The following ERP44 variants were observed in gnomAD, a reference collection of about 807,000 sequenced individuals.
The protein encoded by ERP44 is endoplasmic reticulum protein 44, also known as endoplasmic reticulum resident protein 44.
Under a neutral mutation model 53.4 loss-of-function variants are expected in ERP44, and 25 were observed. The ratio of observed to expected loss-of-function variants is 0.47; its 90% CI spans 0.34 to 0.65. ERP44 has a LOEUF of 0.65. ERP44 is among the 30% of genes least tolerant of loss of function. The probability of loss-of-function intolerance (pLI) is 0.01; values close to 1 mark genes in which losing one functional copy is unlikely to be tolerated. For synonymous variants in ERP44, 145 were observed against 161.2 expected, an observed-to-expected ratio of 0.90 and a Z score of 0.76; for missense variants, 338 against 493.2, an observed-to-expected ratio of 0.69 and a Z score of 2.98.
intron 4 of ERP44, among the ~76,000 whole-genome samples, chr9:100,051,210 G>A (rs1256491016): frequency 6.6e-6 from 1 of 152,166 alleles, no homozygotes; most frequent in Non-Finnish European, 1.5e-5. Flanking sequence ...TTGCTGCCTA[G>A]CGCAAAGCTA....
chr9:99,990,611 G>A (rs968711374), intron 10 of ERP44, among the ~76,000 whole-genome samples: 40 of 152,132 alleles, frequency 2.6e-4, no homozygotes, highest in African/African-American at 8.4e-4. Flanking sequence ...ATCAACTAAT[G>A]AGCAAAATAA....
At chr9:100,096,969 TAAAAC>T (rs1826639495) in intron 1 of ERP44, among the ~76,000 whole-genome samples, 1 of 152,206 alleles carries the variant, frequency 6.6e-6, no homozygotes, top group African/African-American at 2.4e-5. Flanking sequence ...ATATGAGTAT[TAAAAC>T]TAGGTAAACA....
At chr9:100,039,376 C>T (rs1825878901) in intron 4 of ERP44, among the ~76,000 whole-genome samples, 1 of 152,014 alleles carries the variant, frequency 6.6e-6, no homozygotes, top group Non-Finnish European at 1.5e-5. Context: ...AAATGGATAA[C>T]AAGAGAAATC....
chr9:100,013,814 G>A (rs746284272), intron 8 of ERP44, among the ~76,000 whole-genome samples: 5 of 152,250 alleles, frequency 3.3e-5, no homozygotes, highest in Non-Finnish European at 5.9e-5. Flanking sequence ...GTAGAAATCT[G>A]TGCATATATT....
Position 99,979,742 on chromosome 9 carries a change from C to T in ERP44, c.*2870G>A, listed in dbSNP as rs1211587919. The T allele has an allele frequency of 5.2e-6, 2 of 383,310 alleles. No homozygotes were observed. The highest frequency in any genetic ancestry group is 9.2e-6 in the Non-Finnish European group (2 of 216,914). 23.7% of individuals were successfully genotyped at this position (383,310 alleles called of 1,614,324 possible). On this transcript the variant is annotated 3_prime_UTR_variant, in exon 12 of 12. Transcript: ENST00000262455. ...TTCCCAGCTGAGAAGCCTGAGGCCC[C>T]GAGTAGATCAGATAAACCGGGGAAG... is the stretch of plus-strand genomic sequence containing the variant.
In ERP44 at chr9:100,059,411, T is replaced by A. The variant is rs1309239879; in HGVS notation, c.130+689A>T. Among the ~76,000 whole-genome samples the A allele has an allele frequency of 4.6e-5, 7 of 152,102 alleles. No homozygotes were observed. In the East Asian group the frequency reaches 1.3e-3, roughly 29 times the overall value. Reference sequence around the variant, plus strand: ...TCAGTAAAAAACTTATTAGGCCAAGTGTGGTGGTTCATGCCTGTAAACCCA... The same window carrying A: ...TCAGTAAAAAACTTATTAGGCCAAGAGTGGTGGTTCATGCCTGTAAACCCA... On this transcript the variant is annotated intron_variant, in intron 2 of 11. Transcript: ENST00000262455.
At chr9:100,070,220 A>G (rs1027118642) in intron 1 of ERP44, among the ~76,000 whole-genome samples, 4 of 152,228 alleles carry the variant, frequency 2.6e-5, no homozygotes, top group African/African-American at 4.8e-5. Flanking sequence ...GAGAATCTAC[A>G]TACATGTTGG....
chr9:100,023,989 T>G (rs1245656147), intron 4 of ERP44, among the ~76,000 whole-genome samples: 1 of 152,044 alleles, frequency 6.6e-6, no homozygotes, highest in Non-Finnish European at 1.5e-5. Context: ...ACCTTGTCTC[T>G]ACTAAAAATA....
intron 11 of ERP44, among the ~76,000 whole-genome samples, chr9:99,983,670 T>A (rs1210139180): frequency 6.6e-6 from 1 of 151,728 alleles, no homozygotes; most frequent in Non-Finnish European, 1.5e-5. Flanking sequence ...GTAGTTGACA[T>A]AGGCACACAG....
At position 100,022,233 on chromosome 9, in the gene ERP44, G is replaced by T. The variant is rs1230956556; in HGVS notation, c.287-7C>A. 4 of 1,596,390 alleles carry T rather than the reference G, an allele frequency of 2.5e-6. No homozygotes were observed. In the African/African-American group the frequency reaches 4.1e-5, roughly 16 times the overall value. ...TATCTCTGGGCTATGTCAGCTAAAA[G>T]AATGAAAAAAAATTATTTACCCTCA... On this transcript the variant is annotated splice_polypyrimidine_tract_variant and splice_region_variant and intron_variant, in intron 4 of 11. Transcript: ENST00000262455.
chr9:100,081,364 C>T (rs1442678939), intron 1 of ERP44, among the ~76,000 whole-genome samples: 1 of 152,046 alleles, frequency 6.6e-6, no homozygotes, highest in Non-Finnish European at 1.5e-5. Flanking sequence ...GCTAACAGCA[C>T]AATTTACAAT....
In ERP44 at chr9:100,006,535, C is replaced by G. The variant is rs1830427155; in HGVS notation, c.987G>C (p.Met329Ile). The G allele has an allele frequency of 1.2e-6, 2 of 1,610,956 alleles. No individual in the cohort carries two copies. The highest frequency in any genetic ancestry group is 1.7e-6 in the Non-Finnish European group (2 of 1,178,536). Residue 329 changes from methionine to isoleucine, a missense_variant, in exon 10 of 12, where the codon ATG (methionine) becomes ATC (isoleucine). Around this residue, in one of 3 missense-constraint regions of ERP44, gnomAD observed 113 missense variants for 172.6 expected, o/e 0.65. Transcript: ENST00000262455. Reference protein sequence around the residue: ...PVIAIDSFRHMYVFGDFKDVL... With the variant: ...PVIAIDSFRHIYVFGDFKDVL... ...CATCTTTGAAGTCTCCAAACACATACATATGCCTAAAGCTGTCAATAGCGA... is the reference window on the plus strand; with the variant it reads ...CATCTTTGAAGTCTCCAAACACATAGATATGCCTAAAGCTGTCAATAGCGA...
chr9:99,983,551 CAAAAA>C (rs59132233), intron 11 of ERP44, among the ~76,000 whole-genome samples: 2 of 66,972 alleles, frequency 3.0e-5, no homozygotes, highest in Non-Finnish European at 5.3e-5. Flanking sequence ...GACTCCGTCT[CAAAAA>C]AAAAAAAAAA....
At chr9:100,025,079 T>C (rs953192451) in intron 4 of ERP44, among the ~76,000 whole-genome samples, 2 of 152,110 alleles carry the variant, frequency 1.3e-5, no homozygotes, top group Non-Finnish European at 2.9e-5. Context: ...CTGGGAAACA[T>C]AGAAAGACCC....
intron 1 of ERP44, among the ~76,000 whole-genome samples, chr9:100,082,650 A>C (rs146732709): frequency 6.6e-6 from 1 of 152,104 alleles, no homozygotes; most frequent in African/African-American, 2.4e-5. Flanking sequence ...GATACAAAAA[A>C]TTGGTCCTCC....
At chr9:100,012,641 T>C (rs562856068) in intron 8 of ERP44, among the ~76,000 whole-genome samples, 8 of 152,318 alleles carry the variant, frequency 5.3e-5, no homozygotes, top group African/African-American at 1.9e-4. Context: ...ACCAAAAATG[T>C]ACCATGCTGA....
intron 4 of ERP44, among the ~76,000 whole-genome samples, chr9:100,035,542 G>T (rs1333544128): frequency 2.6e-5 from 4 of 152,128 alleles, no homozygotes; most frequent in Non-Finnish European, 5.9e-5. Context: ...CGGCATGGTG[G>T]CATGTGCCTG....
intron 10 of ERP44, among the ~76,000 whole-genome samples, chr9:99,996,393 T>G (rs182949882): frequency 2.0e-5 from 3 of 152,286 alleles, no homozygotes; most frequent in Non-Finnish European, 4.4e-5. Flanking sequence ...ATAAAAGCCC[T>G]CACCAGAAGC....
chr9:100,088,758 T>C (rs1269074285), intron 1 of ERP44, among the ~76,000 whole-genome samples: 3 of 151,968 alleles, frequency 2.0e-5, no homozygotes, highest in Non-Finnish European at 2.9e-5. Flanking sequence ...GAAAGAAGGG[T>C]GGTGAGTAGC....
Sources: gnomAD v4.1 joint callset for allele counts (sites outside exome capture counted in the v4.1 genomes callset) on GRCh38, gnomAD v4.1.1 for gene constraint, gnomAD v4.1.1 regional missense constraint, MANE v1.5 for transcripts, NCBI Gene and HGNC (gene_info 2026-07-23, HGNC 2026-07-21) for gene names.